KCNIP4: variants seen among roughly 807,000 people sequenced by gnomAD.
KCNIP4 encodes Kv channel-interacting protein 4.
Under a neutral mutation model 34.0 loss-of-function variants are expected in KCNIP4, and 12 were observed. The observed-to-expected ratio is 0.35, with a 90% CI of 0.23 to 0.57. The LOEUF (loss-of-function observed/expected upper bound fraction) is 0.57. Among genes scored for constraint, KCNIP4 ranks in the 20% least tolerant of loss-of-function variants. The probability of loss-of-function intolerance (pLI) is 0.83; values close to 1 mark genes in which losing one functional copy is unlikely to be tolerated. For synonymous variants in KCNIP4, 124 were observed against 102.2 expected (o/e 1.21, Z -1.29); for missense variants, 238 against 311.7 (o/e 0.76, Z 1.78).
intron 1 of KCNIP4, among the ~76,000 whole-genome samples, chr4:20,951,667 CCTAA>C (rs1344241996): frequency 1.3e-5 from 2 of 152,082 alleles, no homozygotes; most frequent in African/African-American, 4.8e-5. Context: ...ACAATTGAGA[CCTAA>C]CTAACAATAT....
At chr4:21,684,654 T>C (rs1281438753) in intron 1 of KCNIP4, among the ~76,000 whole-genome samples, 4 of 152,172 alleles carry the variant, frequency 2.6e-5, no homozygotes, top group Non-Finnish European at 5.9e-5. Flanking sequence ...TTATTTTTGG[T>C]GAAAAAAACA....
intron 1 of KCNIP4, among the ~76,000 whole-genome samples, chr4:21,100,285 T>A (rs889268790): frequency 2.6e-5 from 4 of 152,138 alleles, no homozygotes; most frequent in Admixed American, 2.0e-4. Context: ...GCACGGTGGC[T>A]CACACCTATA....
At chr4:21,210,997 A>G (rs1434926887) in intron 1 of KCNIP4, among the ~76,000 whole-genome samples, 1 of 152,206 alleles carries the variant, frequency 6.6e-6, no homozygotes, top group Non-Finnish European at 1.5e-5. Context: ...TGTAAGCAAT[A>G]TTAAGCAATA....
chr4:21,430,643 C>T (rs1007025882), intron 1 of KCNIP4, among the ~76,000 whole-genome samples: 11 of 152,096 alleles, frequency 7.2e-5, no homozygotes, highest in Non-Finnish European at 1.6e-4. Context: ...ACTGTTCTTC[C>T]TTTTTAATCT....
intron 3 of KCNIP4, among the ~76,000 whole-genome samples, chr4:20,806,030 T>A (rs1000056286): frequency 2.6e-5 from 4 of 152,148 alleles, no homozygotes; most frequent in Non-Finnish European, 5.9e-5. Flanking sequence ...ATTTCTGAAT[T>A]ATGTTTTTAA....
At chr4:21,237,142 C>T (rs147077426) in intron 1 of KCNIP4, among the ~76,000 whole-genome samples, 14 of 151,942 alleles carry the variant, frequency 9.2e-5, no homozygotes, top group East Asian at 1.9e-4. Context: ...ATATAACAAA[C>T]GGTTAATCAG....
At chr4:21,869,674 C>T (rs1299461270) in intron 1 of KCNIP4, among the ~76,000 whole-genome samples, 2 of 150,654 alleles carry the variant, frequency 1.3e-5, no homozygotes, top group South Asian at 4.2e-4. Flanking sequence ...AGGGCTTACG[C>T]TTAATATCTC....
chr4:20,854,784 A>C (rs909721150), intron 2 of KCNIP4, among the ~76,000 whole-genome samples: 2 of 152,188 alleles, frequency 1.3e-5, no homozygotes, highest in South Asian at 2.1e-4. Context: ...TCATGGGTAC[A>C]TACTGGATGG....
intron 1 of KCNIP4, among the ~76,000 whole-genome samples, chr4:21,276,658 C>T (rs926452732): frequency 2.6e-5 from 4 of 152,122 alleles, no homozygotes. Flanking sequence ...CTTTCCTATT[C>T]AATACCCATC....
At chr4:21,588,991 T>C (rs1741890295) in intron 1 of KCNIP4, among the ~76,000 whole-genome samples, 1 of 150,802 alleles carries the variant, frequency 6.6e-6, no homozygotes, top group Non-Finnish European at 1.5e-5. Context: ...CCTGGTGCCA[T>C]GGTGAGCACT....
chr4:21,094,580 T>G (rs560795644), intron 1 of KCNIP4, among the ~76,000 whole-genome samples: 8 of 152,308 alleles, frequency 5.3e-5, no homozygotes, highest in African/African-American at 1.7e-4. Flanking sequence ...GAGCCTCGTC[T>G]CCTGATAATC....
At chr4:21,687,431 T>G (rs1222791251) in intron 1 of KCNIP4, among the ~76,000 whole-genome samples, 6 of 152,110 alleles carry the variant, frequency 3.9e-5, no homozygotes, top group Admixed American at 2.6e-4. Context: ...AGCACTGGTG[T>G]TGTTCAATTT....
chr4:20,950,830 T>G (rs1329796185), intron 1 of KCNIP4, among the ~76,000 whole-genome samples: 2 of 152,152 alleles, frequency 1.3e-5, no homozygotes, highest in Non-Finnish European at 2.9e-5. Context: ...AAAAGTAACA[T>G]TAAATGCAGG....
intron 3 of KCNIP4, among the ~76,000 whole-genome samples, chr4:20,792,501 G>A (rs1404006655): frequency 6.6e-6 from 1 of 152,050 alleles, no homozygotes; most frequent in Non-Finnish European, 1.5e-5. Flanking sequence ...AAAAGGCAAT[G>A]ATTGTCAGAC....
intron 3 of KCNIP4, among the ~76,000 whole-genome samples, chr4:20,791,800 T>G (rs192063672): frequency 6.6e-6 from 1 of 152,178 alleles, no homozygotes; most frequent in South Asian, 2.1e-4. Flanking sequence ...ATCTAAATCT[T>G]TGAGTAAAGT....
intron 1 of KCNIP4, among the ~76,000 whole-genome samples, chr4:21,364,430 G>C (rs1452763544): frequency 1.3e-5 from 2 of 152,046 alleles, no homozygotes; most frequent in African/African-American, 4.8e-5. Flanking sequence ...CAGTAGTGCA[G>C]ATAAATTGTT....
intron 1 of KCNIP4, among the ~76,000 whole-genome samples, chr4:21,123,512 T>C (rs1354460283): frequency 6.6e-6 from 1 of 152,244 alleles, no homozygotes; most frequent in Non-Finnish European, 1.5e-5. Flanking sequence ...AAAGAACTTT[T>C]GTTGATACCA....
intron 3 of KCNIP4, chr4:20,767,152 T>C (rs1036501525): frequency 1.3e-5 from 2 of 152,186 alleles, no homozygotes; most frequent in African/African-American, 4.8e-5. Context: ...CAAGGATAAA[T>C]CATATTTATC....
At chr4:21,282,189 C>G (rs140713112) in intron 1 of KCNIP4, among the ~76,000 whole-genome samples, 5 of 152,310 alleles carry the variant, frequency 3.3e-5, no homozygotes, top group African/African-American at 1.2e-4. Flanking sequence ...TGTAATTGCA[C>G]TAGCAAATCT....
Sources: allele counts gnomAD v4.1 joint callset (sites outside exome capture counted in the v4.1 genomes callset), GRCh38; gene constraint gnomAD v4.1.1; transcripts MANE v1.5; gene names NCBI Gene and HGNC (gene_info 2026-07-23, HGNC 2026-07-21).